The following LPIN1 variants were observed in gnomAD, a reference collection of about 807,000 sequenced individuals.
The protein encoded by LPIN1 is phosphatidate phosphatase LPIN1.
In LPIN1, 71 loss-of-function variants were observed where a neutral mutation model predicts 107.5. That is an observed-to-expected ratio of 0.66 (90% CI 0.55 to 0.80). LPIN1 has a LOEUF of 0.80. Ranked by LOEUF, LPIN1 falls within the 30% of genes least tolerant of loss-of-function variation. LPIN1 has a pLI of 0.00. For missense variants in LPIN1, 1,043 were observed against 1,160.6 expected (o/e 0.90, Z 1.47); for synonymous variants, 445 against 452.6 (o/e 0.98, Z 0.21).
intron 1 of LPIN1, among the ~76,000 whole-genome samples, chr2:11,727,753 A>G (rs1342844525): frequency 6.6e-6 from 1 of 152,204 alleles, no homozygotes; most frequent in East Asian, 1.9e-4. Context: ...TTCTTTCTCC[A>G]ACAGTGAGAA....
chr2:11,679,373 GTC>G (rs1469569330), intron 1 of LPIN1, among the ~76,000 whole-genome samples: 2 of 152,150 alleles, frequency 1.3e-5, no homozygotes, highest in African/African-American at 4.8e-5. Flanking sequence ...TTAATATTAT[GTC>G]TGTTTTCTGC....
At chr2:11,787,426 G>T (rs1572829063) in intron 11 of LPIN1, among the ~76,000 whole-genome samples, 1 of 123,550 alleles carries the variant, frequency 8.1e-6, no homozygotes, top group African/African-American at 3.3e-5. Context: ...TTTGCGACAA[G>T]GTGTAGCTCT....
At chr2:11,758,815 G>A (rs1669066254) in intron 1 of LPIN1, among the ~76,000 whole-genome samples, 1 of 152,228 alleles carries the variant, frequency 6.6e-6, no homozygotes, top group African/African-American at 2.4e-5. Flanking sequence ...CTGTAGTCTT[G>A]GCTCTGTCTT....
upstream of LPIN1, among the ~76,000 whole-genome samples, chr2:11,720,676 A>T (rs373769727): frequency 6.6e-6 from 1 of 152,026 alleles, no homozygotes; most frequent in Admixed American, 6.6e-5. Flanking sequence ...GTGCGGCTTA[A>T]GCTTAGACCT....
At chr2:11,802,389 C>A (rs1677908738) in intron 14 of LPIN1, among the ~76,000 whole-genome samples, 1 of 152,118 alleles carries the variant, frequency 6.6e-6, no homozygotes, top group African/African-American at 2.4e-5. Flanking sequence ...TCTGGGGGAT[C>A]CTGAGAGAAG....
chr2:11,763,987 G>A (rs867826665), intron 1 of LPIN1, among the ~76,000 whole-genome samples: 255 of 132,934 alleles, frequency 1.9e-3, no homozygotes, highest in South Asian at 0.016. Context: ...GTGTGTGTGT[G>A]TATATATATA....
chr2:11,742,932 A>G (rs1558781708), upstream of LPIN1, among the ~76,000 whole-genome samples: 1 of 152,170 alleles, frequency 6.6e-6, no homozygotes, highest in African/African-American at 2.4e-5. Flanking sequence ...CCCGTGGTTC[A>G]TTCTGCTCCT....
rs1251411840 is a variant in LPIN1 at position 11,774,666 on chromosome 2, C to T, written c.722+921C>T. On this transcript the variant is annotated intron_variant, in intron 5 of 20. Transcript: ENST00000674199. The surrounding 1 kb of genome is among the most constrained non-coding windows in gnomAD (Gnocchi z 4.4). ...AGAAACTCTGGGTTCCTACCTGAAG[C>T]CGGTCTTATCAAAACGCCACCCCTG... Among the ~76,000 whole-genome samples, 1 of 152,164 alleles carries T rather than the reference C, an allele frequency of 6.6e-6. No homozygotes were observed. Among genetic ancestry groups the T allele is most frequent in the Non-Finnish European group, 1.5e-5 (1 of 68,032 alleles).
At chr2:11,743,719 G>A (rs917099307), upstream of LPIN1, among the ~76,000 whole-genome samples, 57 of 152,196 alleles carry the variant, frequency 3.7e-4, no homozygotes, top group African/African-American at 1.4e-3. The surrounding 1 kb of genome is among the most constrained non-coding windows in gnomAD (Gnocchi z 4.7). Context: ...TGCCCGGGCA[G>A]TTACAGAGCT....
At chr2:11,725,655 C>G (rs1664564803) in intron 1 of LPIN1, among the ~76,000 whole-genome samples, 1 of 152,148 alleles carries the variant, frequency 6.6e-6, no homozygotes, top group Non-Finnish European at 1.5e-5. Context: ...AAGCGCAATT[C>G]CATTGGGATT....
At chr2:11,744,016 C>T (rs933415036), upstream of LPIN1, among the ~76,000 whole-genome samples, 1 of 152,228 alleles carries the variant, frequency 6.6e-6, no homozygotes, top group Non-Finnish European at 1.5e-5. Context: ...CAGCAGCTTC[C>T]CATGATGCCT....
At position 11,824,833 on chromosome 2, in the gene LPIN1, T is replaced by C. The variant is rs199763676; in HGVS notation, c.*42T>C. On this transcript the variant is annotated 3_prime_UTR_variant, in exon 21 of 21. Transcript: ENST00000674199. Reference sequence around the variant, plus strand: ...TCTTGCCAGCAGTGCAGAGCCTGGTTGTCACCCATTAAAGGATAGGTCTCC... The same window carrying C: ...TCTTGCCAGCAGTGCAGAGCCTGGTCGTCACCCATTAAAGGATAGGTCTCC... 2 of 1,612,522 alleles carry C rather than the reference T, an allele frequency of 1.2e-6. No individual in the cohort carries two copies. The highest frequency in any genetic ancestry group is 1.7e-6 in the Non-Finnish European group (2 of 1,178,934).
chr2:11,688,119 C>T (rs955815292), intron 1 of LPIN1, among the ~76,000 whole-genome samples: 3 of 152,176 alleles, frequency 2.0e-5, no homozygotes, highest in Non-Finnish European at 4.4e-5. Flanking sequence ...CTTCACTCTC[C>T]GACGCGGAAT....
rs571294963 is a variant in LPIN1 at position 11,797,270 on chromosome 2, C to T, written c.1886+1783C>T. 3.9e-5 allele frequency among the ~76,000 whole-genome samples: 6 copies of T among 152,372 alleles called. No individual in the cohort carries two copies. In the South Asian group the frequency reaches 1.2e-3, roughly 32 times the overall value. On this transcript the variant is annotated intron_variant, in intron 14 of 20. Transcript: ENST00000674199. ...GGCAAATTAATCCACCTCTCAGCGT[C>T]TCCATCTGTGAAATGGGGTTAAGAA...
At position 11,786,800 on chromosome 2, in the gene LPIN1, A is replaced by AC. The variant is rs1674658533; in HGVS notation, c.1550-270dup. 6.6e-6 allele frequency among the ~76,000 whole-genome samples: 1 copy of AC among 152,090 alleles called. No individual in the cohort carries two copies. The highest frequency in any genetic ancestry group is 2.4e-5 in the African/African-American group (1 of 41,398). On this transcript the variant is annotated intron_variant, in intron 10 of 20. Coordinates refer to ENST00000674199, the MANE Select transcript of LPIN1 (RefSeq NM_001349206.2). The surrounding 1 kb of genome is among the most constrained non-coding windows in gnomAD (Gnocchi z 4.1). ...GCAGATGCACGTGTGTGCTGTTTTC[A>AC]CCCCTACTCCCTGTGTGAACGTATG...
intron 8 of LPIN1, among the ~76,000 whole-genome samples, chr2:11,783,454 C>G (rs747624151): frequency 2.0e-5 from 3 of 152,150 alleles, no homozygotes; most frequent in Non-Finnish European, 4.4e-5. Flanking sequence ...CCTTGGTGGT[C>G]TACGGTCACG....
At chr2:11,695,116 GA>G (rs1318196541) in intron 1 of LPIN1, among the ~76,000 whole-genome samples, 1 of 152,310 alleles carries the variant, frequency 6.6e-6, no homozygotes, top group African/African-American at 2.4e-5. Context: ...ACTGTGTTGG[GA>G]ACTTGGAGTA....
chr2:11,703,698 A>G (rs1662995834), intron 1 of LPIN1, among the ~76,000 whole-genome samples: 1 of 152,322 alleles, frequency 6.6e-6, no homozygotes, highest in South Asian at 2.1e-4. Context: ...ATACAAATAC[A>G]TAGATGCAGT....
Position 11,773,728 on chromosome 2 carries a change from G to A in LPIN1, c.705G>A (p.Glu235=). ...CCTCATACCCTAATTCGGATAGAGA[G>A]TGGTCACCCACTCCCAGGTAAGCTG... ...QSASYPNSDR[E]WSPTPSSLVD... is the part of the protein sequence containing the mutation. The change falls in exon 5 of 21, where the codon GAG becomes GAA. Residue 235 remains glutamate, a synonymous_variant. Coordinates refer to ENST00000674199, the MANE Select transcript of LPIN1 (RefSeq NM_001349206.2). The A allele has an allele frequency of 6.2e-7, 1 of 1,614,114 alleles. No individual in the cohort carries two copies. The highest frequency in any genetic ancestry group is 1.7e-5 in the Admixed American group (1 of 60,026).
Sources: allele counts gnomAD v4.1 joint callset (sites outside exome capture counted in the v4.1 genomes callset), GRCh38; gene constraint gnomAD v4.1.1; non-coding constraint Gnocchi (gnomAD v3.1); transcripts MANE v1.5; gene names NCBI Gene and HGNC (gene_info 2026-07-23, HGNC 2026-07-21).